The following PDE10A variants were observed in gnomAD, a reference collection of about 807,000 sequenced individuals.
PDE10A encodes phosphodiesterase 10A.
Under a neutral mutation model 97.7 loss-of-function variants are expected in PDE10A, and 39 were observed. The ratio of observed to expected loss-of-function variants is 0.40; its 90% CI spans 0.31 to 0.52. The LOEUF is 0.52. PDE10A is among the 20% of genes least tolerant of loss of function. The probability of loss-of-function intolerance (pLI) is 0.56; values close to 1 mark genes in which losing one functional copy is unlikely to be tolerated. For synonymous variants in PDE10A, 371 were observed against 376.8 expected, an observed-to-expected ratio of 0.98 and a Z score of 0.18; for missense variants, 731 against 1,047.8, an observed-to-expected ratio of 0.70 and a Z score of 4.17.
intron 1 of PDE10A, among the ~76,000 whole-genome samples, chr6:165,736,229 A>C (rs1792571900): frequency 1.3e-5 from 2 of 152,244 alleles, no homozygotes; most frequent in Admixed American, 6.5e-5. Context: ...ACATTATGAC[A>C]TCAGTATGAT....
At chr6:165,650,231 G>A (rs533766328) in intron 1 of PDE10A, among the ~76,000 whole-genome samples, 19 of 152,162 alleles carry the variant, frequency 1.2e-4, no homozygotes, top group Admixed American at 3.3e-4. Flanking sequence ...ATGCCACTTC[G>A]GTACCTTCTT....
chr6:165,480,476 T>C (rs567894878), intron 3 of PDE10A, among the ~76,000 whole-genome samples: 1 of 151,522 alleles, frequency 6.6e-6, no homozygotes, highest in Non-Finnish European at 1.5e-5. Flanking sequence ...GTCCCAGCTA[T>C]TTAGGAGGCT....
chr6:165,757,548 G>A (rs1425377264), intron 1 of PDE10A, among the ~76,000 whole-genome samples: 2 of 151,760 alleles, frequency 1.3e-5, no homozygotes, highest in East Asian at 1.9e-4. Context: ...TTTAAAATGT[G>A]TCCTGGGGTA....
At chr6:165,436,505 G>A (rs778669344) in intron 5 of PDE10A, among the ~76,000 whole-genome samples, 9 of 152,066 alleles carry the variant, frequency 5.9e-5, no homozygotes, top group Non-Finnish European at 1.3e-4. Context: ...TTAACCTTGG[G>A]TACTTGAAAT....
At chr6:165,589,879 A>C (rs913047015) in intron 1 of PDE10A, among the ~76,000 whole-genome samples, 7 of 152,236 alleles carry the variant, frequency 4.6e-5, no homozygotes, top group African/African-American at 1.4e-4. Flanking sequence ...AACAAAAAAA[A>C]TTCAGATACA....
intron 1 of PDE10A, chr6:165,780,854 T>C (rs1157915942): frequency 6.6e-6 from 1 of 152,284 alleles, no homozygotes; most frequent in East Asian, 1.9e-4. Flanking sequence ...GTTCTAGGCT[T>C]TCTCATTCCC....
chr6:165,426,368 G>T (rs1286965315), intron 10 of PDE10A, among the ~76,000 whole-genome samples: 3 of 152,108 alleles, frequency 2.0e-5, no homozygotes, highest in Non-Finnish European at 4.4e-5. Context: ...CCAGCGTCCA[G>T]AAAGAAAATG....
At position 165,807,585 on chromosome 6, in the gene PDE10A, T is replaced by A. The variant is rs1779173674; in HGVS notation, c.-615+179944A>T. On this transcript the variant is annotated intron_variant, in intron 1 of 19. Coordinates refer to the PDE10A transcript ENST00000366882. ...TGAGAATTGTGGCTAATGGAAATGTTGACCATAAATTGGAAAGAAGAAAAG... is the reference window on the plus strand; with the variant it reads ...TGAGAATTGTGGCTAATGGAAATGTAGACCATAAATTGGAAAGAAGAAAAG... 2.0e-5 allele frequency among the ~76,000 whole-genome samples: 3 copies of A among 152,144 alleles called. No homozygotes were observed. The South Asian group carries it at 6.2e-4, about 31-fold the overall frequency.
intron 1 of PDE10A, among the ~76,000 whole-genome samples, chr6:165,960,317 C>G (rs941923425): frequency 2.0e-5 from 3 of 152,164 alleles, no homozygotes; most frequent in Non-Finnish European, 4.4e-5. Context: ...ACAAAGTTGT[C>G]AAAGAACACC....
At chr6:165,714,111 C>T (rs1054753639) in intron 1 of PDE10A, among the ~76,000 whole-genome samples, 1 of 152,166 alleles carries the variant, frequency 6.6e-6, no homozygotes, top group Non-Finnish European at 1.5e-5. Context: ...AAACAAAAAC[C>T]AAAACCAACC....
At chr6:165,742,929 C>T (rs1432762382) in intron 1 of PDE10A, among the ~76,000 whole-genome samples, 1 of 152,222 alleles carries the variant, frequency 6.6e-6, no homozygotes, top group East Asian at 1.9e-4. Context: ...ACTTGCAGCA[C>T]TTGCTCAACT....
intron 1 of PDE10A, among the ~76,000 whole-genome samples, chr6:165,757,032 A>G (rs931289966): frequency 2.0e-5 from 3 of 150,994 alleles, no homozygotes; most frequent in African/African-American, 7.3e-5. Context: ...CAGTGGCAAG[A>G]TCTCAGTTCA....
intron 1 of PDE10A, among the ~76,000 whole-genome samples, chr6:165,827,796 C>G (rs960899172): frequency 2.0e-5 from 3 of 152,162 alleles, no homozygotes; most frequent in African/African-American, 7.2e-5. Context: ...GTCTTGTATC[C>G]CTTGTCCCCC....
At position 165,698,918 on chromosome 6, in the gene PDE10A, G is replaced by A. The variant is rs968100495; in HGVS notation, c.-614-155350C>T. ...ACTCAATTCTAAAGAAAGTAGTAAA[G>A]GAGAAGTAGAAGGATAAAAGAGACA... On this transcript the variant is annotated intron_variant, in intron 1 of 19. Transcript: ENST00000366882. 3.9e-5 allele frequency among the ~76,000 whole-genome samples: 6 copies of A among 152,066 alleles called. 1 individual carries two copies. The highest frequency in any genetic ancestry group is 3.9e-4 in the Admixed American group (6 of 15,256).
rs140489483 is a variant in PDE10A at position 165,538,848 on chromosome 6, C to G, written c.994+4592G>C. Among the ~76,000 whole-genome samples the G allele has an allele frequency of 6.5e-4, 99 of 152,216 alleles. 1 individual carries two copies. Among genetic ancestry groups the G allele is most frequent in the African/African-American group, 2.3e-3 (96 of 41,546 alleles). ...AATATATACTTTGTACAAATACAGA[C>G]GTGTAAATGTTAAATCATTTAGTAA... On this transcript the variant is annotated intron_variant, in intron 2 of 21. Transcript: ENST00000539869.
rs116727876 is a variant in PDE10A at position 165,767,125 on chromosome 6, T to A, written c.-615+220404A>T. 4.1e-3 allele frequency among the ~76,000 whole-genome samples: 624 copies of A among 152,344 alleles called. 7 individuals carry two copies. The highest frequency in any genetic ancestry group is 0.014 in the African/African-American group (597 of 41,582). On this transcript the variant is annotated intron_variant, in intron 1 of 19. Coordinates refer to the PDE10A transcript ENST00000366882. ...TACTATCCTTTCACTTGGACACTTG[T>A]TCTAATCAGATTTTTGTTTTTTGCT...
chr6:165,527,706 T>C (rs577761740), intron 2 of PDE10A, among the ~76,000 whole-genome samples: 17 of 152,282 alleles, frequency 1.1e-4, no homozygotes, highest in Middle Eastern at 6.8e-3. Context: ...GGAAGTGGTA[T>C]ATACATGATC....
chr6:165,958,716 G>GAGA (rs1784258036), intron 1 of PDE10A, among the ~76,000 whole-genome samples: 1 of 58,764 alleles, frequency 1.7e-5, no homozygotes, highest in Non-Finnish European at 3.1e-5. Flanking sequence ...AAGAAAGAGA[G>GAGA]AAGAAAGAAA....
intron 1 of PDE10A, among the ~76,000 whole-genome samples, chr6:165,917,323 T>C (rs1198380326): frequency 2.0e-5 from 3 of 152,066 alleles, no homozygotes; most frequent in Admixed American, 6.5e-5. Context: ...AGCATGGCCA[T>C]GGCTGACTTA....
Sources: gnomAD v4.1 joint callset for allele counts (sites outside exome capture counted in the v4.1 genomes callset) on GRCh38, gnomAD v4.1.1 for gene constraint, MANE v1.5 for transcripts, NCBI Gene and HGNC (gene_info 2026-07-23, HGNC 2026-07-21) for gene names.